Variants in CD47 observed in about 807,000 individuals in gnomAD.
The protein encoded by CD47 is CD47 molecule.
In CD47, 11 loss-of-function variants were observed where a neutral mutation model predicts 44.6. The ratio of observed to expected loss-of-function variants is 0.25; its 90% CI spans 0.16 to 0.41. The LOEUF (loss-of-function observed/expected upper bound fraction) is 0.41. Ranked by LOEUF, CD47 falls within the 10% of genes least tolerant of loss-of-function variation. The pLI, the probability that CD47 is intolerant of heterozygous loss-of-function variation, is 1.00. For synonymous variants in CD47, 140 were observed against 136.3 expected, an observed-to-expected ratio of 1.03 and a Z score of -0.19; for missense variants, 306 against 386.7, an observed-to-expected ratio of 0.79 and a Z score of 1.75.
In CD47 at chr3:108,057,583, TA is replaced by T; in HGVS notation, c.785-15del. On this transcript the variant is annotated splice_polypyrimidine_tract_variant and intron_variant, in intron 6 of 10. Coordinates refer to ENST00000361309, the MANE Select transcript of CD47 (RefSeq NM_001777.4). The stretch of plus-strand genomic sequence containing the variant: ...TTGGTATACACGCTGTAAAAACAAA[TA>T]AAATTCTGTATTAGAAAAGCATATG... 1.6e-6 allele frequency: 2 copies of T among 1,224,356 alleles called. No individual in the cohort carries two copies. The highest frequency in any genetic ancestry group is 2.4e-6 in the Non-Finnish European group (2 of 834,666). 75.8% of individuals were successfully genotyped at this position (1,224,356 alleles called of 1,614,324 possible).
rs182875858 is a variant in CD47 at position 108,089,442 on chromosome 3, T to C, written c.46+1421A>G. On this transcript the variant is annotated intron_variant, in intron 1 of 10. Coordinates refer to ENST00000361309, the MANE Select transcript of CD47 (RefSeq NM_001777.4). Reference sequence around the variant, plus strand: ...TACCTGTTTTAAAAATAGTATATGGTTTATACTTTTTACTTTTTAGGCAGT... The same window carrying C: ...TACCTGTTTTAAAAATAGTATATGGCTTATACTTTTTACTTTTTAGGCAGT... Among the ~76,000 whole-genome samples the C allele has an allele frequency of 5.2e-3, 785 of 152,300 alleles. 2 individuals carry two copies. Among genetic ancestry groups the C allele is most frequent in the African/African-American group, 0.017 (714 of 41,564 alleles).
rs1205212949 is a variant in CD47 at position 108,090,936 on chromosome 3, G to A, written c.-28C>T. 3 of 1,453,842 alleles carry A rather than the reference G, an allele frequency of 2.1e-6. No individual in the cohort carries two copies. Among genetic ancestry groups the A allele is most frequent in the Admixed American group, 2.3e-5 (1 of 43,458 alleles). The allele number at this position is 1,453,842 out of a possible 1,614,324, so 90.1% of individuals were successfully genotyped here. ...CCGCGCCCGCCGCGGGGTCGCCGCC[G>A]CCGCCGCAGGTGTCCGGAGCAGCAG... On this transcript the variant is annotated 5_prime_UTR_variant, in exon 1 of 11. Coordinates refer to ENST00000361309, the MANE Select transcript of CD47 (RefSeq NM_001777.4).
chr3:108,069,529 T>A (rs77942422), intron 3 of CD47, among the ~76,000 whole-genome samples: 50 of 141,628 alleles, frequency 3.5e-4, no homozygotes, highest in Middle Eastern at 7.0e-3. Context: ...TTTTTTTTTT[T>A]AAATAACTCC....
intron 1 of CD47, among the ~76,000 whole-genome samples, chr3:108,085,554 G>A (rs1204543000): frequency 6.6e-6 from 1 of 152,058 alleles, no homozygotes. Context: ...GTTCAATCTT[G>A]TTCCCCTTCC....
rs55777019 is a variant in CD47 at position 108,044,415 on chromosome 3, C to CAAA, written c.*2870_*2872dup. On this transcript the variant is annotated 3_prime_UTR_variant, in exon 11 of 11. Coordinates refer to ENST00000361309, the MANE Select transcript of CD47 (RefSeq NM_001777.4). ...GGTTTTTAGAGCATGTGAAATTAGT[C>CAAA]AAAAAAAAAAAAAAAAAAAAAAAAA... The CAAA allele has an allele frequency of 7.3e-4, 25 of 34,096 alleles. 1 individual carries two copies. The highest frequency in any genetic ancestry group is 1.4e-3 in the African/African-American group (15 of 10,440). 2.1% of individuals were successfully genotyped at this position (34,096 alleles called of 1,614,324 possible). A position where few individuals can be genotyped will look rare whatever the true frequency, so the allele number is the denominator to read the frequency against.
intron 3 of CD47, among the ~76,000 whole-genome samples, chr3:108,066,181 A>G (rs1413038669): frequency 1.3e-5 from 2 of 152,138 alleles, no homozygotes; most frequent in Admixed American, 1.3e-4. Flanking sequence ...CTACAGGAAC[A>G]TCTACTCAAA....
At chr3:108,068,056 A>G (rs935949716) in intron 3 of CD47, among the ~76,000 whole-genome samples, 3 of 152,218 alleles carry the variant, frequency 2.0e-5, no homozygotes, top group Non-Finnish European at 4.4e-5. Flanking sequence ...CAGACCATAA[A>G]TGGTAATCAG....
intron 3 of CD47, among the ~76,000 whole-genome samples, chr3:108,069,773 C>T (rs752938310): frequency 8.5e-5 from 13 of 152,090 alleles, no homozygotes; most frequent in Non-Finnish European, 1.8e-4. Flanking sequence ...AAGGCTGTTC[C>T]CTGCCCAAGT....
At chr3:108,067,966 G>C (rs2079132630) in intron 3 of CD47, among the ~76,000 whole-genome samples, 1 of 152,166 alleles carries the variant, frequency 6.6e-6, no homozygotes, top group Admixed American at 6.5e-5. Flanking sequence ...GCCTGGTAAA[G>C]GTCCAGGTTT....
intron 1 of CD47, among the ~76,000 whole-genome samples, chr3:108,085,755 A>G (rs1176167018): frequency 6.6e-6 from 1 of 152,182 alleles, no homozygotes; most frequent in African/African-American, 2.4e-5. Context: ...AGGATTCAAT[A>G]CCTTCCTTGT....
chr3:108,074,730 A>G (rs888023522), intron 2 of CD47, among the ~76,000 whole-genome samples: 2 of 149,490 alleles, frequency 1.3e-5, no homozygotes, highest in African/African-American at 4.9e-5. Flanking sequence ...GGGGCACACA[A>G]TGGAGAAGGG....
rs1427539120 is a variant in CD47, at chr3:108,046,998, T to C, written c.*290A>G. On this transcript the variant is annotated 3_prime_UTR_variant, in exon 11 of 11. Transcript: ENST00000361309. ...CCCTAGGACCTGAAAGGCATCATTC[T>C]TGGAAATTGTCCATTCTACTATTGC... The C allele has an allele frequency of 5.9e-6, 2 of 341,334 alleles. No homozygotes were observed. The highest frequency in any genetic ancestry group is 5.3e-6 in the Non-Finnish European group (1 of 189,860). 21.1% of individuals were successfully genotyped at this position (341,334 alleles called of 1,614,324 possible). A position where few individuals can be genotyped will look rare whatever the true frequency, so the allele number is the denominator to read the frequency against.
At position 108,090,925 on chromosome 3, in the gene CD47, G is replaced by C. The variant is rs1163324209; in HGVS notation, c.-17C>G. 6.8e-7 allele frequency: 1 copy of C among 1,468,050 alleles called. No homozygotes were observed. The highest frequency in any genetic ancestry group is 9.0e-7 in the Non-Finnish European group (1 of 1,113,416). The allele number at this position is 1,468,050 out of a possible 1,614,324, so 90.9% of individuals were successfully genotyped here. A position where few individuals can be genotyped will look rare whatever the true frequency, so the allele number is the denominator to read the frequency against. ...GGGCCACATCTCCGCGCCCGCCGCG[G>C]GGTCGCCGCCGCCGCCGCAGGTGTC... is the stretch of plus-strand genomic sequence containing the variant. On this transcript the variant is annotated 5_prime_UTR_variant, in exon 1 of 11. Transcript: ENST00000361309.
intron 2 of CD47, among the ~76,000 whole-genome samples, chr3:108,072,254 C>T (rs1449838204): frequency 6.6e-6 from 1 of 152,180 alleles, no homozygotes; most frequent in East Asian, 1.9e-4. Flanking sequence ...TAAGCAAGCA[C>T]TAGCATTCCT....
intron 3 of CD47, among the ~76,000 whole-genome samples, chr3:108,069,910 A>G (rs1403427734): frequency 6.6e-6 from 1 of 152,200 alleles, no homozygotes; most frequent in African/African-American, 2.4e-5. Context: ...CTAAGAGATT[A>G]TAAGAAAATT....
rs1219773336 is a variant in CD47 at position 108,058,390 on chromosome 3, A to G, written c.731T>C (p.Ile244Thr). Reference protein sequence around the residue: ...LTSFVIAILVIQVIAYILAVV... With the variant: ...LTSFVIAILVTQVIAYILAVV... ...AGCGAGGATATAGGCTATCACCTGAATAACCAATATGGCAATGACGAAGGA... is the reference window on the plus strand; with the variant it reads ...AGCGAGGATATAGGCTATCACCTGAGTAACCAATATGGCAATGACGAAGGA... Residue 244 changes from isoleucine to threonine, a missense_variant, in exon 6 of 11, where the codon ATT becomes ACT. Around this residue, in one of 5 missense-constraint regions of CD47, gnomAD observed 131 missense variants for 135.3 expected, o/e 0.97. Coordinates refer to ENST00000361309, the MANE Select transcript of CD47 (RefSeq NM_001777.4). 2 of 1,568,312 alleles carry G rather than the reference A, an allele frequency of 1.3e-6. No individual in the cohort carries two copies. The highest frequency in any genetic ancestry group is 1.9e-5 in the Admixed American group (1 of 52,826).
At chr3:108,058,459 C>T (rs983675917) in intron 5 of CD47, 30 bp from the exon 6 acceptor site, 3 of 1,438,302 alleles carry the variant, frequency 2.1e-6, no homozygotes, top group Middle Eastern at 1.7e-4. Context: ...GTAACAGAAG[C>T]ATGTCAAGAG....
At chr3:108,060,125 C>T (rs1430100913) in intron 4 of CD47, among the ~76,000 whole-genome samples, 1 of 152,240 alleles carries the variant, frequency 6.6e-6, no homozygotes, top group African/African-American at 2.4e-5. Context: ...TTGGTTCCCA[C>T]ATTCATTCTA....
At position 108,043,707 on chromosome 3, in the gene CD47, A is replaced by G. The variant is rs781461942; in HGVS notation, c.*3581T>C. 1 of 152,668 alleles carries G rather than the reference A, an allele frequency of 6.6e-6. No individual in the cohort carries two copies. The highest frequency in any genetic ancestry group is 1.9e-4 in the East Asian group (1 of 5,200). 9.5% of individuals were successfully genotyped at this position (152,668 alleles called of 1,614,324 possible). A position where few individuals can be genotyped will look rare whatever the true frequency, so the allele number is the denominator to read the frequency against. ...AAACAAAATGTTTTCTTCTCTCACC[A>G]GTCATGATAACAACACTTTTAAGAT... On this transcript the variant is annotated 3_prime_UTR_variant, in exon 11 of 11. Transcript: ENST00000361309.
Sources: allele counts gnomAD v4.1 joint callset (sites outside exome capture counted in the v4.1 genomes callset), GRCh38; gene constraint gnomAD v4.1.1; regional missense constraint gnomAD v4.1.1; transcripts MANE v1.5; gene names NCBI Gene and HGNC (gene_info 2026-07-23, HGNC 2026-07-21).